EYS: variants seen among roughly 807,000 people sequenced by gnomAD.
EYS encodes protein eyes shut homolog.
EYS carries 250 observed loss-of-function variants against 282.1 expected under a neutral mutation model. The ratio of observed to expected loss-of-function variants is 0.89; its 90% CI spans 0.80 to 0.98. The LOEUF (loss-of-function observed/expected upper bound fraction) is 0.98. Among genes scored for constraint, EYS ranks in the 50% least tolerant of loss-of-function variants. EYS has a pLI of 0.00. For synonymous variants in EYS, 1,355 were observed against 1,282.9 expected (o/e 1.06, Z -1.20); for missense variants, 4,016 against 3,709.0 (o/e 1.08, Z -2.15).
intron 11 of EYS, among the ~76,000 whole-genome samples, chr6:65,325,915 G>A (rs1479549136): frequency 2.0e-5 from 3 of 152,092 alleles, no homozygotes; most frequent in Non-Finnish European, 4.4e-5. Context: ...ACTCAAAATA[G>A]TCAAAGTATT....
intron 40 of EYS, chr6:63,777,518 G>A (rs1364535446): frequency 6.5e-6 from 1 of 153,580 alleles, no homozygotes; most frequent in African/African-American, 2.4e-5. Flanking sequence ...TAGACGAGAT[G>A]CTCAGCAAAA....
chr6:65,510,538 G>T (rs1403870446), intron 2 of EYS, among the ~76,000 whole-genome samples: 1 of 151,934 alleles, frequency 6.6e-6, no homozygotes, highest in Non-Finnish European at 1.5e-5. Flanking sequence ...AATATTTTTT[G>T]ACTGAAGTAG....
intron 29 of EYS, among the ~76,000 whole-genome samples, chr6:64,318,747 A>T (rs1770080802): frequency 6.6e-6 from 1 of 151,320 alleles, no homozygotes; most frequent in Non-Finnish European, 1.5e-5. Flanking sequence ...TATGTGTGTG[A>T]TTTTTTATTT....
rs137959862 is a variant in EYS at position 64,324,458 on chromosome 6, G to A, written c.6079-17376C>T. Among the ~76,000 whole-genome samples the A allele has an allele frequency of 7.8e-4, 118 of 152,180 alleles. No individual in the cohort carries two copies. The East Asian group carries it at 0.012, about 15-fold the overall frequency. ...TGCCTTCATGGTAAAAACCTTCAAC[G>A]AACTAGGCATTGAAGAAACATACCT... is the stretch of plus-strand genomic sequence containing the variant. On this transcript the variant is annotated intron_variant, in intron 29 of 42. Coordinates refer to ENST00000503581, the MANE Select transcript of EYS (RefSeq NM_001142800.2).
Position 65,443,922 on chromosome 6 carries a change from A to G in EYS, c.863-38555T>C, listed in dbSNP as rs939727480. Among the ~76,000 whole-genome samples the G allele has an allele frequency of 9.2e-5, 14 of 151,956 alleles. No homozygotes were observed. In the East Asian group the frequency reaches 2.1e-3, roughly 23 times the overall value. ...TTCCTATACCTTTTTCTTTATATCC[A>G]TAAGATCAGAAGAACACTTTAAATA... is the stretch of plus-strand genomic sequence containing the variant. On this transcript the variant is annotated intron_variant, in intron 5 of 42. Transcript: ENST00000503581.
intron 2 of EYS, among the ~76,000 whole-genome samples, chr6:65,542,145 T>C (rs981520429): frequency 2.0e-5 from 3 of 152,166 alleles, no homozygotes; most frequent in Admixed American, 2.0e-4. Flanking sequence ...GCAGTTTTCA[T>C]TGAGTAGTTT....
chr6:65,363,008 G>C (rs1246932045), intron 8 of EYS, among the ~76,000 whole-genome samples: 1 of 151,990 alleles, frequency 6.6e-6, no homozygotes, highest in Admixed American at 6.6e-5. Flanking sequence ...ATTGCATTTA[G>C]TCCTAAATCA....
intron 14 of EYS, among the ~76,000 whole-genome samples, chr6:64,968,043 G>A (rs767736063): frequency 1.3e-5 from 2 of 152,190 alleles, no homozygotes; most frequent in Non-Finnish European, 2.9e-5. Flanking sequence ...TCAGAGGCAA[G>A]TGAAATGAAC....
intron 31 of EYS, among the ~76,000 whole-genome samples, chr6:64,119,605 C>A (rs1356439859): frequency 6.6e-6 from 1 of 152,168 alleles, no homozygotes; most frequent in Non-Finnish European, 1.5e-5. Flanking sequence ...AGTTCATACC[C>A]ATTTCCAGTA....
intron 22 of EYS, among the ~76,000 whole-genome samples, chr6:64,766,649 A>AAAAAAAAATATATATATAT (rs1387919586): frequency 1.0e-4 from 2 of 19,050 alleles, no homozygotes; most frequent in East Asian, 1.2e-3. Flanking sequence ...AAAAAAAAAA[A>AAAAAAAAATATATATATAT]ATATATATAT....
chr6:64,192,254 G>A (rs1466886444), intron 31 of EYS, among the ~76,000 whole-genome samples: 25 of 151,742 alleles, frequency 1.6e-4, no homozygotes, highest in African/African-American at 4.3e-4. Flanking sequence ...AGTAGGTTGC[G>A]AAAATTTTCT....
chr6:64,573,593 T>A (rs780733413), intron 26 of EYS, among the ~76,000 whole-genome samples: 1 of 150,216 alleles, frequency 6.7e-6, no homozygotes, highest in Admixed American at 6.7e-5. Flanking sequence ...AAAAAATCAA[T>A]CCCGTCAAAA....
intron 22 of EYS, among the ~76,000 whole-genome samples, chr6:64,695,427 G>A (rs1396922946): frequency 1.3e-5 from 2 of 151,974 alleles, no homozygotes; most frequent in Non-Finnish European, 2.9e-5. Context: ...CTACTGAGAA[G>A]GCCTTCAGCT....
chr6:64,088,688 C>T (rs1313379009), intron 31 of EYS, among the ~76,000 whole-genome samples: 1 of 151,782 alleles, frequency 6.6e-6, no homozygotes, highest in African/African-American at 2.4e-5. Flanking sequence ...GGGCCACTAT[C>T]AATAACAACT....
intron 40 of EYS, among the ~76,000 whole-genome samples, chr6:63,766,344 T>C (rs1343246742): frequency 2.0e-5 from 3 of 152,036 alleles, no homozygotes; most frequent in African/African-American, 7.2e-5. Context: ...AGAGCAGAGA[T>C]AGGGTCTGTT....
intron 19 of EYS, among the ~76,000 whole-genome samples, chr6:64,869,012 T>C (rs1766510232): frequency 6.6e-6 from 1 of 151,594 alleles, no homozygotes; most frequent in South Asian, 2.1e-4. Flanking sequence ...CTTTAAACTG[T>C]AATTTATTAA....
At chr6:64,701,467 GA>G (rs1056446467) in intron 22 of EYS, among the ~76,000 whole-genome samples, 1 of 151,772 alleles carries the variant, frequency 6.6e-6, no homozygotes, top group Non-Finnish European at 1.5e-5. Context: ...CTACCAAAAG[GA>G]AAAAAACCAT....
At chr6:64,159,559 TAAAAA>T (rs35139594) in intron 31 of EYS, among the ~76,000 whole-genome samples, 8 of 59,944 alleles carry the variant, frequency 1.3e-4, no homozygotes, top group African/African-American at 4.9e-4. Flanking sequence ...GACTCTGTCT[TAAAAA>T]AAAAAAAAAA....
intron 12 of EYS, among the ~76,000 whole-genome samples, chr6:65,160,758 T>TA (rs1764833326): frequency 6.6e-6 from 1 of 150,990 alleles, no homozygotes; most frequent in Admixed American, 6.6e-5. Context: ...AATTCTCTGA[T>TA]ATGCACAAGA....
Sources: gnomAD v4.1 joint callset for allele counts (sites outside exome capture counted in the v4.1 genomes callset) on GRCh38, gnomAD v4.1.1 for gene constraint, MANE v1.5 for transcripts, NCBI Gene and HGNC (gene_info 2026-07-23, HGNC 2026-07-21) for gene names.